Variants in ITGA9 observed in about 807,000 individuals in gnomAD.
ITGA9 encodes integrin subunit alpha 9, also known as integrin alpha-9.
Under a neutral mutation model 127.8 loss-of-function variants are expected in ITGA9, and 56 were observed. The observed-to-expected ratio is 0.44, with a 90% confidence interval of 0.35 to 0.55. The LOEUF is 0.55. Among genes scored for constraint, ITGA9 ranks in the 20% least tolerant of loss-of-function variants. The probability of loss-of-function intolerance (pLI) is 0.00; values close to 1 mark genes in which losing one functional copy is unlikely to be tolerated. For synonymous variants in ITGA9, 508 were observed against 514.5 expected (o/e 0.99, Z 0.17); for missense variants, 1,196 against 1,347.1 (o/e 0.89, Z 1.76).
At position 37,512,003 on chromosome 3, in the gene ITGA9, CTTTTCTTTTCTTTTCTTTTCT is replaced by C. The variant is rs1232947978; in HGVS notation, c.898-1756_898-1736del. ...CTTTTCTTTTCTTTTCTTTTCTTTTCTTTTCTTTTCTTTTCTTTTCTTTTCTTTCTTTCTTTCTTTCTTTCT... is the reference window on the plus strand; with the variant it reads ...CTTTTCTTTTCTTTTCTTTTCTTTTCTTTCTTTCTTTCTTTCTTTCTTTCT... On this transcript the variant is annotated intron_variant, in intron 8 of 27. Transcript: ENST00000264741. 5.5e-3 allele frequency among the ~76,000 whole-genome samples: 199 copies of C among 36,100 alleles called. 5 individuals carry two copies. Among genetic ancestry groups the C allele is most frequent in the African/African-American group, 6.8e-3 (104 of 15,268 alleles). The allele number at this position is 36,100 out of a possible 152,430, so 23.7% of individuals were successfully genotyped here.
rs1697510766 is a variant in ITGA9, at chr3:37,821,213, T to A, written c.*2224T>A. The A allele has an allele frequency of 1.3e-5, 2 of 152,318 alleles. No individual in the cohort carries two copies. Among genetic ancestry groups the A allele is most frequent in the South Asian group, 4.1e-4 (2 of 4,828 alleles). The allele number at this position is 152,318 out of a possible 1,614,324, so 9.4% of individuals were successfully genotyped here. ...TGTGGGATGGAGGCACAGAGGTAGCTACAGGGAGCAGGACGAGGCAAAGAA... is the reference window on the plus strand; with the variant it reads ...TGTGGGATGGAGGCACAGAGGTAGCAACAGGGAGCAGGACGAGGCAAAGAA... On this transcript the variant is annotated 3_prime_UTR_variant, in exon 28 of 28. Transcript: ENST00000264741.
At chr3:37,739,818 TG>T (rs1171885315) in intron 20 of ITGA9, among the ~76,000 whole-genome samples, 5 of 145,064 alleles carry the variant, frequency 3.4e-5, no homozygotes, top group Non-Finnish European at 6.1e-5. Context: ...GATGCTGGGG[TG>T]GGGGCGGGAG....
At chr3:37,606,970 C>CTTT (rs11306321) in intron 15 of ITGA9, among the ~76,000 whole-genome samples, 7 of 103,774 alleles carry the variant, frequency 6.7e-5, no homozygotes, top group Admixed American at 1.1e-4. Context: ...CTCATGGCTC[C>CTTT]TTTTTTTTTT....
At chr3:37,634,415 A>G (rs1341608913) in intron 16 of ITGA9, among the ~76,000 whole-genome samples, 2 of 152,152 alleles carry the variant, frequency 1.3e-5, no homozygotes, top group East Asian at 3.8e-4. Flanking sequence ...AGGGATGAAA[A>G]AAATTCTATG....
intron 15 of ITGA9, among the ~76,000 whole-genome samples, chr3:37,566,516 T>A (rs1575152277): frequency 1.3e-5 from 2 of 152,346 alleles, no homozygotes; most frequent in East Asian, 3.9e-4. Flanking sequence ...GGTTTAATAC[T>A]ATACATTCTT....
chr3:37,566,279 T>C (rs888102019), intron 15 of ITGA9, among the ~76,000 whole-genome samples: 1 of 152,178 alleles, frequency 6.6e-6, no homozygotes, highest in Admixed American at 6.5e-5. Context: ...AAGGGATTAA[T>C]GGGTAGTAGT....
intron 17 of ITGA9, among the ~76,000 whole-genome samples, chr3:37,674,992 T>G (rs758377448): frequency 2.8e-4 from 42 of 152,346 alleles, no homozygotes; most frequent in Admixed American, 2.6e-4. Flanking sequence ...CTCCTGCCAG[T>G]GACAGGCCTC....
intron 16 of ITGA9, among the ~76,000 whole-genome samples, chr3:37,652,884 C>G (rs1042027650): frequency 1.3e-5 from 2 of 152,190 alleles, no homozygotes; most frequent in African/African-American, 2.4e-5. Flanking sequence ...GAGGTTGAGA[C>G]AGATTGAGGG....
At chr3:37,476,875 C>T (rs1015218778) in intron 3 of ITGA9, among the ~76,000 whole-genome samples, 2 of 152,174 alleles carry the variant, frequency 1.3e-5, no homozygotes, top group African/African-American at 4.8e-5. Context: ...GAGGACATCT[C>T]TCTAAGGAAT....
intron 20 of ITGA9, 96 bp downstream of exon 20, chr3:37,737,079 C>G (rs1255253565): frequency 7.1e-6 from 6 of 847,280 alleles, no homozygotes; most frequent in African/African-American, 6.7e-5. Context: ...TCCCAGGATG[C>G]TGAGGAGGAA....
intron 19 of ITGA9, among the ~76,000 whole-genome samples, chr3:37,734,318 A>G (rs1696332301): frequency 6.6e-6 from 1 of 152,264 alleles, no homozygotes; most frequent in South Asian, 2.1e-4. Flanking sequence ...TATTGCCTAT[A>G]GTAATGTATG....
chr3:37,623,433 G>A (rs1700145530), intron 15 of ITGA9, among the ~76,000 whole-genome samples: 3 of 152,078 alleles, frequency 2.0e-5, no homozygotes, highest in Admixed American at 2.0e-4. Flanking sequence ...TTCACTTTCA[G>A]TTTCATAGCC....
chr3:37,625,531 A>G (rs1169125889), intron 15 of ITGA9, among the ~76,000 whole-genome samples: 2 of 152,210 alleles, frequency 1.3e-5, no homozygotes, highest in African/African-American at 4.8e-5. Context: ...CTTGCCTTTT[A>G]GTCTGTCAGA....
chr3:37,542,877 T>G (rs1699288719), intron 15 of ITGA9, among the ~76,000 whole-genome samples: 1 of 152,108 alleles, frequency 6.6e-6, no homozygotes, highest in African/African-American at 2.4e-5. Context: ...CTCCCCTCTA[T>G]GAGGCTTGGT....
At position 37,785,039 on chromosome 3, in the gene ITGA9, G is replaced by C. The variant is rs376640107; in HGVS notation, c.2850G>C (p.Arg950Ser). 6 of 1,613,994 alleles carry C rather than the reference G, an allele frequency of 3.7e-6. No homozygotes were observed. Among genetic ancestry groups the C allele is most frequent in the Admixed American group, 3.3e-5 (2 of 60,004 alleles). Residue 950 changes from arginine (R) to serine (S), a missense_variant, in exon 26 of 28, where the codon AGG (arginine) becomes AGC (serine). By Grantham distance (110) the Arg-to-Ser change is moderately radical. Transcript: ENST00000264741. ...AGGTGAAGGTGGATCCTGCCCTAAG[G>C]GTGGTGGAAATAGCTCATGGGAACC... The part of the protein sequence containing the change: ...RAKVKVDPAL[R>S]VVEIAHGNPE...
In ITGA9 at chr3:37,544,533, C is replaced by G. The variant is rs559124158; in HGVS notation, c.1689+1948C>G. ...CAGATTCAACTCTGCTGATCTTCCT[C>G]TACCCAACAAGTGGCATTTCTTCAC... On this transcript the variant is annotated intron_variant, in intron 15 of 27. Transcript: ENST00000264741. Among the ~76,000 whole-genome samples, 3 of 152,300 alleles carry G rather than the reference C, an allele frequency of 2.0e-5. 1 individual carries two copies. The highest frequency in any genetic ancestry group is 7.2e-5 in the African/African-American group (3 of 41,564).
intron 10 of ITGA9, 50 bp downstream of exon 10, chr3:37,517,659 C>A: frequency 7.4e-7 from 1 of 1,349,498 alleles, no homozygotes; most frequent in Non-Finnish European, 1.0e-6. Flanking sequence ...CAGCACGCTG[C>A]TCTGTTTCAG....
intron 18 of ITGA9, among the ~76,000 whole-genome samples, chr3:37,698,701 GT>G (rs1331216941): frequency 6.6e-6 from 1 of 152,114 alleles, no homozygotes; most frequent in Non-Finnish European, 1.5e-5. Flanking sequence ...ATGCTAGTGA[GT>G]GTAGGTGCTG....
intron 17 of ITGA9, among the ~76,000 whole-genome samples, chr3:37,665,476 G>T (rs1332913361): frequency 2.0e-5 from 3 of 151,254 alleles, no homozygotes; most frequent in South Asian, 4.2e-4. Flanking sequence ...TTCCGAAAAA[G>T]TCTCACTTTG....
Sources: allele counts gnomAD v4.1 joint callset (sites outside exome capture counted in the v4.1 genomes callset), GRCh38; gene constraint gnomAD v4.1.1; transcripts MANE v1.5; gene names NCBI Gene and HGNC (gene_info 2026-07-23, HGNC 2026-07-21).